The following SPIB variants were observed in gnomAD, a reference collection of about 807,000 sequenced individuals.
SPIB encodes transcription factor Spi-B.
SPIB carries 7 observed loss-of-function variants against 31.9 expected under a neutral mutation model. The ratio of observed to expected loss-of-function variants is 0.22; its 90% CI spans 0.12 to 0.41. SPIB has a LOEUF of 0.41. SPIB is among the 10% of genes least tolerant of loss of function. The probability of loss-of-function intolerance (pLI) is 1.00; values close to 1 mark genes in which losing one functional copy is unlikely to be tolerated. For synonymous variants in SPIB, 176 were observed against 158.9 expected, an observed-to-expected ratio of 1.11 and a Z score of -0.81; for missense variants, 327 against 360.2, an observed-to-expected ratio of 0.91 and a Z score of 0.75.
chr19:50,423,212 A>G, intron 4 of SPIB, 175 bp downstream of exon 4: 1 of 461,376 alleles, frequency 2.2e-6, no homozygotes, highest in East Asian at 3.3e-5. Flanking sequence ...CTCAAAAAAA[A>G]AAAAAAAAAA....
chr19:50,423,678 G>C lies in SPIB; in HGVS notation c.413G>C (p.Ser138Thr). 2 of 1,613,934 alleles carry C rather than the reference G, an allele frequency of 1.2e-6. No individual in the cohort carries two copies. The highest frequency in any genetic ancestry group is 2.2e-5 in the South Asian group (2 of 91,032). Residue 138 changes from serine to threonine, a missense_variant, in exon 5 of 6, where the codon AGC (serine) becomes ACC (threonine). Ser to Thr is a moderately conservative substitution (Grantham distance 58). Transcript: ENST00000595883. Reference protein sequence around the residue: ...LSEEEDLPLDSPALEVSDSES... With the variant: ...LSEEEDLPLDTPALEVSDSES... ...GAGGAGGAAGACTTACCGTTGGACA[G>C]CCCTGCCCTGGAGGTCTCGGACAGC...
At chr19:50,424,265 C>T (rs1032893610) in intron 5 of SPIB, among the ~76,000 whole-genome samples, 6 of 152,206 alleles carry the variant, frequency 3.9e-5, no homozygotes, top group Admixed American at 2.6e-4. Context: ...CCCCATCTCA[C>T]GGGGTTATGA....
chr19:50,425,229 T>G (rs1387150108), intron 5 of SPIB, among the ~76,000 whole-genome samples: 1 of 151,888 alleles, frequency 6.6e-6, no homozygotes, highest in Non-Finnish European at 1.5e-5. Flanking sequence ...GGTCTCAAAC[T>G]CCTGACCTCA....
chr19:50,427,926 C>G (rs1288523917), intron 5 of SPIB, 112 bp from the exon 6 acceptor site: 1 of 1,254,954 alleles, frequency 8.0e-7, no homozygotes, highest in South Asian at 1.6e-5. Context: ...CCTCACCCCA[C>G]TTTTCAGATC....
At chr19:50,419,240 G>A (rs1458713834) in intron 1 of SPIB, among the ~76,000 whole-genome samples, 3 of 152,046 alleles carry the variant, frequency 2.0e-5, no homozygotes, top group Non-Finnish European at 2.9e-5. Context: ...GCCCTCCTGC[G>A]GGCGTCCTCC....
At chr19:50,419,817 T>C in intron 1 of SPIB, 129 bp from the exon 2 acceptor site, 1 of 898,858 alleles carries the variant, frequency 1.1e-6, no homozygotes, top group African/African-American at 1.8e-5. Context: ...GTGAATGTGG[T>C]GGGGCTGGTC....
At chr19:50,423,204 CAAAAAAA>C (rs59236153) in intron 4 of SPIB, 167 bp downstream of exon 4, 8 of 285,180 alleles carry the variant, frequency 2.8e-5, no homozygotes, top group South Asian at 2.8e-4. Flanking sequence ...GACCCTGTCT[CAAAAAAA>C]AAAAAAAAAA....
At chr19:50,422,403 G>C in intron 2 of SPIB, 70 bp from the exon 3 acceptor site, 1 of 1,415,726 alleles carries the variant, frequency 7.1e-7, no homozygotes, top group Non-Finnish European at 9.9e-7. Flanking sequence ...TCTCCCCAAG[G>C]GTCCAGGGTG....
chr19:50,424,183 C>G (rs1325584195), intron 5 of SPIB, among the ~76,000 whole-genome samples: 1 of 152,194 alleles, frequency 6.6e-6, no homozygotes, highest in African/African-American at 2.4e-5. Flanking sequence ...CCCAAGAAAG[C>G]TGAGATCGTT....
chr19:50,421,504 G>T (rs938227247), intron 2 of SPIB, among the ~76,000 whole-genome samples: 1 of 151,796 alleles, frequency 6.6e-6, no homozygotes, highest in Non-Finnish European at 1.5e-5. Flanking sequence ...TGTATTTTTA[G>T]TAGAGACGGG....
chr19:50,424,607 C>G (rs961547954), intron 5 of SPIB, among the ~76,000 whole-genome samples: 1 of 152,072 alleles, frequency 6.6e-6, no homozygotes, highest in Non-Finnish European at 1.5e-5. Context: ...ATGGTGAAAC[C>G]TCACATTTAC....
chr19:50,420,620 C>T (rs2039482684), intron 2 of SPIB, among the ~76,000 whole-genome samples: 1 of 152,118 alleles, frequency 6.6e-6, no homozygotes, highest in Admixed American at 6.6e-5. Context: ...TTTGTTTTGC[C>T]TGCTCTTTTT....
chr19:50,422,807 A>C lies in SPIB; in HGVS notation c.125-16A>C. The C allele has an allele frequency of 6.6e-7, 1 of 1,511,744 alleles. No homozygotes were observed. Among genetic ancestry groups the C allele is most frequent in the South Asian group, 1.2e-5 (1 of 81,284 alleles). The allele number at this position is 1,511,744 out of a possible 1,614,324, so 93.6% of individuals were successfully genotyped here. A position where few individuals can be genotyped will look rare whatever the true frequency, so the allele number is the denominator to read the frequency against. The stretch of plus-strand genomic sequence containing the variant: ...CGTGAGACATCCCAGCTTCTGACTC[A>C]GTGCCCTTCCCCCAGACTCCCTGTG... On this transcript the variant is annotated splice_polypyrimidine_tract_variant and intron_variant, in intron 3 of 5. Transcript: ENST00000595883.
At chr19:50,424,418 G>A (rs1363299703) in intron 5 of SPIB, among the ~76,000 whole-genome samples, 2 of 151,948 alleles carry the variant, frequency 1.3e-5, no homozygotes, top group Non-Finnish European at 2.9e-5. Flanking sequence ...AGGCTGAGGC[G>A]GTCAGATCAA....
At chr19:50,425,200 T>C (rs1382403868) in intron 5 of SPIB, among the ~76,000 whole-genome samples, 1 of 151,596 alleles carries the variant, frequency 6.6e-6, no homozygotes, top group African/African-American at 2.4e-5. Context: ...GAGATGGGGT[T>C]TCACCATCTG....
intron 2 of SPIB, 147 bp from the exon 3 acceptor site, chr19:50,422,326 T>C: frequency 1.6e-6 from 1 of 619,826 alleles, no homozygotes. Context: ...TGATGCCTAG[T>C]CTCTGTGTTT....
intron 5 of SPIB, among the ~76,000 whole-genome samples, 179 bp from the exon 6 acceptor site, chr19:50,427,859 C>G (rs1409717919): frequency 3.3e-5 from 1 of 29,916 alleles, no homozygotes; most frequent in African/African-American, 1.5e-4. Flanking sequence ...GAGTGGCTTG[C>G]CCCCCCCCCC....
chr19:50,427,005 T>C (rs1278037102), intron 5 of SPIB, among the ~76,000 whole-genome samples: 1 of 151,518 alleles, frequency 6.6e-6, no homozygotes, highest in Middle Eastern at 3.2e-3. Context: ...TGGTGCATAC[T>C]TGTAGTCCCA....
At position 50,428,340 on chromosome 19, in the gene SPIB, C is replaced by A. The variant is rs1349420644; in HGVS notation, c.*4C>A. On this transcript the variant is annotated 3_prime_UTR_variant, in exon 6 of 6. Transcript: ENST00000595883. This position sits in a 1 kb window ranked among gnomAD's most constrained non-coding sequence, Gnocchi z 6.5. ...GCCTGCAGTCCGCCGGGCCTGAGCA[C>A]ACCCGAGGCTCCCACCTGCGGAGCC... 6.5e-7 allele frequency: 1 copy of A among 1,537,238 alleles called. No homozygotes were observed. Among genetic ancestry groups the A allele is most frequent in the Admixed American group, 2.0e-5 (1 of 49,554 alleles).
Sources: gnomAD v4.1 joint callset for allele counts (sites outside exome capture counted in the v4.1 genomes callset) on GRCh38, gnomAD v4.1.1 for gene constraint, Gnocchi (gnomAD v3.1) non-coding constraint, MANE v1.5 for transcripts, NCBI Gene and HGNC (gene_info 2026-07-23, HGNC 2026-07-21) for gene names.